ASCC1: variants seen among roughly 807,000 people sequenced by gnomAD.
ASCC1 encodes ASC-1 complex subunit P50.
ASCC1 carries 35 observed loss-of-function variants against 46.6 expected under a neutral mutation model. That is an observed-to-expected ratio of 0.75 (90% CI 0.57 to 0.99). The LOEUF (loss-of-function observed/expected upper bound fraction) is 0.99, where lower values mean the gene tolerates loss of function less well. Ranked by LOEUF, ASCC1 falls within the 50% of genes least tolerant of loss-of-function variation. The probability of loss-of-function intolerance (pLI) is 0.00; values close to 1 mark genes in which losing one functional copy is unlikely to be tolerated. For missense variants in ASCC1, 376 were observed against 428.7 expected, an observed-to-expected ratio of 0.88 and a Z score of 1.09; for synonymous variants, 143 against 146.6, an observed-to-expected ratio of 0.98 and a Z score of 0.18.
chr10:72,150,989 C>T (rs1367801539), intron 7 of ASCC1, among the ~76,000 whole-genome samples: 2 of 152,206 alleles, frequency 1.3e-5, no homozygotes, highest in Non-Finnish European at 2.9e-5. Flanking sequence ...CGCTTTTACA[C>T]TGTTGGTGGG....
chr10:72,195,727 A>G (rs1161454671), intron 5 of ASCC1, among the ~76,000 whole-genome samples: 1 of 151,830 alleles, frequency 6.6e-6, no homozygotes, highest in Non-Finnish European at 1.5e-5. Context: ...CTAGCTACTC[A>G]GGAGGCTGAG....
intron 3 of ASCC1, 41 bp downstream of exon 3, chr10:72,210,691 T>C: frequency 6.4e-7 from 1 of 1,568,618 alleles, no homozygotes; most frequent in South Asian, 1.1e-5. Flanking sequence ...CTGAGTTTCC[T>C]GGAAGTGTCT....
At chr10:72,160,631 C>T (rs2057911233) in intron 6 of ASCC1, among the ~76,000 whole-genome samples, 1 of 151,766 alleles carries the variant, frequency 6.6e-6, no homozygotes, top group Admixed American at 6.6e-5. Flanking sequence ...GAGGCCGAAG[C>T]AGGAGAGTTG....
At position 72,152,682 on chromosome 10, in the gene ASCC1, T is replaced by C. The variant is rs111755754; in HGVS notation, c.746+187A>G. On this transcript the variant is annotated intron_variant, in intron 7 of 9. Coordinates refer to ENST00000672957, the MANE Select transcript of ASCC1 (RefSeq NM_001198800.3). Reference sequence around the variant, plus strand: ...CATCCTAAAAGTCAGACTTAAAATCTGATACTTTTTCCTACAACAAATTCC... The same window carrying C: ...CATCCTAAAAGTCAGACTTAAAATCCGATACTTTTTCCTACAACAAATTCC... Among the ~76,000 whole-genome samples, 1,475 of 152,258 alleles carry C rather than the reference T, an allele frequency of 9.7e-3. 20 individuals are homozygous for C. The highest frequency in any genetic ancestry group is 0.034 in the African/African-American group (1,403 of 41,546).
rs369467167 is a variant in ASCC1 at position 72,097,363 on chromosome 10, C to T, written c.1045G>A (p.Ala349Thr). The T allele has an allele frequency of 7.4e-6, 12 of 1,613,282 alleles. No homozygotes were observed. In the East Asian group the frequency reaches 1.6e-4, roughly 21 times the overall value. Residue 349 changes from alanine (A) to threonine (T), a missense_variant, in exon 10 of 10, where the codon GCT becomes ACT. Physicochemically the swap from Ala to Thr is moderately conservative, Grantham distance 58. Transcript: ENST00000672957. ...RFTVDSFGNYASCGQIDFS is the reference protein window; with the variant it reads ...RFTVDSFGNYTSCGQIDFS The stretch of plus-strand genomic sequence containing the variant: ...GAGAAGTCAATTTGTCCACAGGAAG[C>T]GTAGTTTCCAAAGCTGTCTACGGTG...
intron 3 of ASCC1, among the ~76,000 whole-genome samples, chr10:72,205,667 G>C (rs1033859375): frequency 5.3e-4 from 81 of 151,796 alleles, no homozygotes; most frequent in African/African-American, 1.9e-3. Flanking sequence ...TGTGGTGGCG[G>C]GCGCCTGTAA....
chr10:72,186,535 T>G (rs1853474167), intron 5 of ASCC1, among the ~76,000 whole-genome samples: 1 of 152,196 alleles, frequency 6.6e-6, no homozygotes, highest in African/African-American at 2.4e-5. Context: ...CTTCAAATCT[T>G]GTAGAAGAGA....
chr10:72,172,191 G>A (rs1041188350), intron 5 of ASCC1, among the ~76,000 whole-genome samples: 9 of 151,760 alleles, frequency 5.9e-5, no homozygotes, highest in African/African-American at 2.2e-4. Flanking sequence ...CGAGGCGGGC[G>A]GATCACGAGG....
chr10:72,131,264 C>A (rs1346800032), intron 8 of ASCC1, among the ~76,000 whole-genome samples: 2 of 152,056 alleles, frequency 1.3e-5, no homozygotes, highest in East Asian at 1.9e-4. Flanking sequence ...ACTAAAAATA[C>A]GAAAATTAGC....
intron 6 of ASCC1, 31 bp from the exon 7 acceptor site, chr10:72,153,019 A>G: frequency 1.2e-6 from 2 of 1,613,694 alleles, no homozygotes; most frequent in Non-Finnish European, 1.7e-6. Context: ...AGATATCTAT[A>G]ACTGTTTAAG....
intron 9 of ASCC1, among the ~76,000 whole-genome samples, chr10:72,121,222 T>C (rs1844158903): frequency 6.6e-6 from 1 of 152,170 alleles, no homozygotes; most frequent in Non-Finnish European, 1.5e-5. Context: ...TAGCTCACTG[T>C]AGCCTCAACC....
intron 9 of ASCC1, among the ~76,000 whole-genome samples, chr10:72,098,345 T>C (rs575191922): frequency 6.6e-6 from 1 of 152,358 alleles, no homozygotes; most frequent in Admixed American, 6.5e-5. Context: ...AAAATGTCAG[T>C]ACAATCCCAA....
At chr10:72,170,854 A>T (rs1486394269) in intron 5 of ASCC1, among the ~76,000 whole-genome samples, 1 of 152,042 alleles carries the variant, frequency 6.6e-6, no homozygotes, top group East Asian at 1.9e-4. Context: ...CAAAAAAAAA[A>T]TTTTGCCAGA....
intron 7 of ASCC1, chr10:72,133,465 G>A: frequency 2.4e-6 from 1 of 419,964 alleles, no homozygotes; most frequent in East Asian, 5.3e-5. Flanking sequence ...TCCACAGGAG[G>A]TTTAGACATA....
chr10:72,199,347 G>C (rs1453936027), intron 4 of ASCC1, among the ~76,000 whole-genome samples: 2 of 140,948 alleles, frequency 1.4e-5, no homozygotes, highest in African/African-American at 2.7e-5. Flanking sequence ...TCCCAGGCTG[G>C]AGTGCAGTGG....
intron 9 of ASCC1, among the ~76,000 whole-genome samples, chr10:72,122,175 CT>C (rs1255923566): frequency 1.3e-5 from 2 of 152,192 alleles, no homozygotes; most frequent in Non-Finnish European, 2.9e-5. Context: ...AATCCCAACA[CT>C]TTGGGATGCC....
chr10:72,198,374 G>A (rs1354800219), intron 4 of ASCC1: 4 of 125,170 alleles, frequency 3.2e-5, no homozygotes, highest in African/African-American at 2.6e-4. Flanking sequence ...AGGGGGAGGG[G>A]AGGGAAGGGA....
intron 5 of ASCC1, among the ~76,000 whole-genome samples, chr10:72,195,259 A>C (rs1311601917): frequency 7.2e-6 from 1 of 138,544 alleles, no homozygotes; most frequent in African/African-American, 2.7e-5. Flanking sequence ...CCATTCTCCC[A>C]CCTCAGCTCC....
At position 72,216,242 on chromosome 10, in the gene ASCC1, G is replaced by C. The variant is rs1443289240; in HGVS notation, c.-69C>G. On this transcript the variant is annotated 5_prime_UTR_variant, in exon 1 of 10. Coordinates refer to ENST00000672957, the MANE Select transcript of ASCC1 (RefSeq NM_001198800.3). ...TAGAAAAATGGAGAAGGTAGGAGGA[G>C]AAACAGGAGACTGCTGCAGCAGACG... is the stretch of plus-strand genomic sequence containing the variant. 2 of 157,216 alleles carry C rather than the reference G, an allele frequency of 1.3e-5. No homozygotes were observed. Among genetic ancestry groups the C allele is most frequent in the Non-Finnish European group, 2.8e-5 (2 of 70,934 alleles). The allele number at this position is 157,216 out of a possible 1,614,324, so 9.7% of individuals were successfully genotyped here.
Sources: allele counts gnomAD v4.1 joint callset (sites outside exome capture counted in the v4.1 genomes callset), GRCh38; gene constraint gnomAD v4.1.1; transcripts MANE v1.5; gene names NCBI Gene and HGNC (gene_info 2026-07-23, HGNC 2026-07-21).